DPP6: variants seen among roughly 807,000 people sequenced by gnomAD.
DPP6 encodes the protein A-type potassium channel modulatory protein DPP6.
Under a neutral mutation model 122.6 loss-of-function variants are expected in DPP6, and 69 were observed. That is an observed-to-expected ratio of 0.56 (90% CI 0.46 to 0.69). The LOEUF (loss-of-function observed/expected upper bound fraction) is 0.69, where lower values mean the gene tolerates loss of function less well. Among genes scored for constraint, DPP6 ranks in the 30% least tolerant of loss-of-function variants. The pLI is 0.00. For synonymous variants in DPP6, 418 were observed against 433.1 expected (o/e 0.97, Z 0.43); for missense variants, 928 against 1,116.9 (o/e 0.83, Z 2.41).
intron 3 of DPP6, among the ~76,000 whole-genome samples, chr7:154,478,691 C>G (rs1429416569): frequency 6.6e-6 from 1 of 152,130 alleles, no homozygotes; most frequent in Non-Finnish European, 1.5e-5. Context: ...TGATTTGAAC[C>G]TAGGTCTGTC....
chr7:154,371,909 C>T (rs1049583058), intron 1 of DPP6, among the ~76,000 whole-genome samples: 25 of 152,230 alleles, frequency 1.6e-4, no homozygotes, highest in African/African-American at 5.1e-4. Flanking sequence ...GTAGACATAC[C>T]GGGAAGCCAG....
At chr7:153,797,889 T>C in the DPP6 span, among the ~76,000 whole-genome samples, 1 of 152,124 alleles carries the variant, frequency 6.6e-6, no homozygotes, top group African/African-American at 2.4e-5. Flanking sequence ...TCGCCCAAGC[T>C]GGAGTGCGGT....
intron 1 of DPP6, among the ~76,000 whole-genome samples, chr7:154,363,186 C>T (rs1013526106): frequency 6.6e-6 from 1 of 152,200 alleles, no homozygotes; most frequent in Non-Finnish European, 1.5e-5. Flanking sequence ...CCACAGTGAC[C>T]AGCCCTCCTG....
intron 25 of DPP6, chr7:154,889,830 C>T (rs1806457736): frequency 2.5e-6 from 1 of 407,766 alleles, no homozygotes; most frequent in Non-Finnish European, 4.4e-6. Context: ...CAAGCCAGCA[C>T]CCACCCTGCC....
chr7:153,990,073 C>A (rs1797084005), intron 1 of DPP6, among the ~76,000 whole-genome samples: 1 of 125,636 alleles, frequency 8.0e-6, no homozygotes, highest in Admixed American at 8.1e-5. Context: ...CCGCCCCCTG[C>A]TGGCTCTGGC....
chr7:154,690,811 C>T (rs1839891367), intron 7 of DPP6, among the ~76,000 whole-genome samples: 1 of 152,176 alleles, frequency 6.6e-6, no homozygotes, highest in Admixed American at 6.5e-5. Context: ...GCCCTGATCA[C>T]TTCATCCTCA....
At chr7:154,381,258 C>G (rs1005168071) in intron 1 of DPP6, among the ~76,000 whole-genome samples, 17 of 152,144 alleles carry the variant, frequency 1.1e-4, no homozygotes, top group African/African-American at 3.6e-4. Flanking sequence ...GCCTCCTGGC[C>G]CCGTCTGACT....
chr7:154,446,997 G>A (rs1819933324), intron 2 of DPP6, among the ~76,000 whole-genome samples: 1 of 152,110 alleles, frequency 6.6e-6, no homozygotes, highest in Admixed American at 6.6e-5. Flanking sequence ...AGAGAAGAAA[G>A]CCTTTGCCTA....
At chr7:154,705,672 G>A (rs1043984900) in intron 7 of DPP6, among the ~76,000 whole-genome samples, 1 of 152,222 alleles carries the variant, frequency 6.6e-6, no homozygotes, top group Admixed American at 6.5e-5. Context: ...TGGGGGCCAG[G>A]GCTCCCAGAC....
intron 1 of DPP6, among the ~76,000 whole-genome samples, chr7:154,351,474 T>C (rs532122870): frequency 6.6e-6 from 1 of 152,046 alleles, no homozygotes; most frequent in East Asian, 1.9e-4. Flanking sequence ...GGATTAGAGA[T>C]CAAAAGGGGT....
rs11306187 is a variant in DPP6, at chr7:154,625,318, C to CT, written c.628-12491dup. ...CATCATGCAGATACACACACAGACA[C>CT]TTTTTTTTTTTTAAGATAGAAGGAG... On this transcript the variant is annotated intron_variant, in intron 5 of 25. Coordinates refer to ENST00000377770, the MANE Select transcript of DPP6 (RefSeq NM_130797.4). 6.8e-3 allele frequency among the ~76,000 whole-genome samples: 992 copies of CT among 146,718 alleles called. 5 individuals carry two copies. The highest frequency in any genetic ancestry group is 0.015 in the African/African-American group (606 of 39,938).
chr7:153,776,507 G>A, the DPP6 span, among the ~76,000 whole-genome samples: 2 of 151,920 alleles, frequency 1.3e-5, no homozygotes, highest in African/African-American at 4.8e-5. Context: ...TGCTGAACTG[G>A]GAGTCAATTA....
chr7:153,898,475 G>T (rs1309322339), intron 1 of DPP6, among the ~76,000 whole-genome samples: 1 of 152,032 alleles, frequency 6.6e-6, no homozygotes, highest in Non-Finnish European at 1.5e-5. Context: ...ATAATTAGAA[G>T]AGAAGATTTG....
At chr7:154,588,239 C>A in intron 5 of DPP6, 3 of 1,338,196 alleles carry the variant, frequency 2.2e-6, no homozygotes, top group Non-Finnish European at 3.0e-6. Flanking sequence ...GAGGGACCCT[C>A]CACTGGTTCA....
At chr7:153,866,105 A>G in the DPP6 span, among the ~76,000 whole-genome samples, 7 of 152,138 alleles carry the variant, frequency 4.6e-5, no homozygotes, top group Admixed American at 2.6e-4. Flanking sequence ...TAGTGCCACA[A>G]TAAACATACG....
chr7:153,811,566 C>A, the DPP6 span, among the ~76,000 whole-genome samples: 1 of 152,250 alleles, frequency 6.6e-6, no homozygotes, highest in African/African-American at 2.4e-5. Flanking sequence ...GGCATTGTGT[C>A]CACCCTCTCT....
At chr7:154,341,454 G>T (rs757087266) in intron 1 of DPP6, among the ~76,000 whole-genome samples, 109 of 152,052 alleles carry the variant, frequency 7.2e-4, no homozygotes, top group Non-Finnish European at 1.3e-3. Flanking sequence ...CTCTGTAGTC[G>T]CAGATCTGAT....
At chr7:154,172,310 G>A (rs1424945484) in intron 1 of DPP6, among the ~76,000 whole-genome samples, 1 of 152,160 alleles carries the variant, frequency 6.6e-6, no homozygotes, top group Non-Finnish European at 1.5e-5. Context: ...ATCAAGGAGC[G>A]ATAAGAGCCC....
intron 1 of DPP6, chr7:154,057,544 G>C (rs1346770864): frequency 6.6e-6 from 1 of 150,922 alleles, no homozygotes; most frequent in African/African-American, 2.5e-5. Context: ...CTCAGGAACA[G>C]AAAGAAAGCA....
Sources: gnomAD v4.1 joint callset for allele counts (sites outside exome capture counted in the v4.1 genomes callset) on GRCh38, gnomAD v4.1.1 for gene constraint, MANE v1.5 for transcripts, NCBI Gene and HGNC (gene_info 2026-07-23, HGNC 2026-07-21) for gene names.